B3GAT2: variants seen among roughly 807,000 people sequenced by gnomAD.
The protein encoded by B3GAT2 is galactosylgalactosylxylosylprotein 3-beta-glucuronosyltransferase 2.
B3GAT2 carries 26 observed loss-of-function variants against 27.8 expected under a neutral mutation model. The ratio of observed to expected loss-of-function variants is 0.93; its 90% CI spans 0.68 to 1.30. The LOEUF is 1.30. Among genes scored for constraint, B3GAT2 ranks in the 50% most tolerant of loss-of-function variants. The pLI, the probability that B3GAT2 is intolerant of heterozygous loss-of-function variation, is 0.00. For missense variants in B3GAT2, 458 were observed against 459.0 expected, an observed-to-expected ratio of 1.00 and a Z score of 0.02; for synonymous variants, 218 against 195.1, an observed-to-expected ratio of 1.12 and a Z score of -0.98.
intron 1 of B3GAT2, among the ~76,000 whole-genome samples, chr6:70,936,113 A>C (rs1409869695): frequency 6.6e-6 from 1 of 151,870 alleles, no homozygotes; most frequent in Non-Finnish European, 1.5e-5. Flanking sequence ...CTAGTCTCTG[A>C]TAAAACAGAC....
At chr6:70,897,719 C>T (rs1772414711) in intron 1 of B3GAT2, among the ~76,000 whole-genome samples, 1 of 147,390 alleles carries the variant, frequency 6.8e-6, no homozygotes, top group Admixed American at 7.1e-5. Flanking sequence ...CAAGGGTTTT[C>T]TCCTCCTTTC....
chr6:70,891,305 A>T (rs957557231), intron 2 of B3GAT2, among the ~76,000 whole-genome samples: 2 of 152,198 alleles, frequency 1.3e-5, no homozygotes, highest in African/African-American at 4.8e-5. Context: ...GGGCAGGCAT[A>T]TTAATTTTTT....
chr6:70,926,378 G>A (rs1379123826), intron 1 of B3GAT2, among the ~76,000 whole-genome samples: 4 of 152,174 alleles, frequency 2.6e-5, no homozygotes, highest in Non-Finnish European at 5.9e-5. Flanking sequence ...AAACTTCTCC[G>A]AGCTAAAGGA....
intron 2 of B3GAT2, among the ~76,000 whole-genome samples, chr6:70,868,016 A>G (rs1003203330): frequency 3.8e-4 from 58 of 152,152 alleles, no homozygotes; most frequent in African/African-American, 1.4e-3. Flanking sequence ...AATCAATGTA[A>G]TTCACCATAT....
Position 70,911,082 on chromosome 6 carries a change from CATACTTTACAA to C in B3GAT2, c.592-16821_592-16811del, listed in dbSNP as rs1772682509. Among the ~76,000 whole-genome samples, 2 of 152,076 alleles carry C rather than the reference CATACTTTACAA, an allele frequency of 1.3e-5. 1 individual carries two copies. The highest frequency in any genetic ancestry group is 4.1e-4 in the South Asian group (2 of 4,832). ...CTGGATATTAGACCTTTGTCAGATG[CATACTTTACAA>C]ATACTTTCTCCCATTCTATAGGTTG... On this transcript the variant is annotated intron_variant, in intron 1 of 3. Transcript: ENST00000230053.
At chr6:70,878,869 C>G (rs546345360) in intron 2 of B3GAT2, among the ~76,000 whole-genome samples, 14 of 151,990 alleles carry the variant, frequency 9.2e-5, no homozygotes, top group African/African-American at 3.4e-4. Flanking sequence ...CTCTGCCCCC[C>G]CTCCCCCTTA....
At chr6:70,933,036 C>A (rs1773085362) in intron 1 of B3GAT2, among the ~76,000 whole-genome samples, 1 of 152,158 alleles carries the variant, frequency 6.6e-6, no homozygotes, top group African/African-American at 2.4e-5. Flanking sequence ...CTGGGCTAAG[C>A]CATCCTCCTG....
At chr6:70,875,575 A>T (rs1471958133) in intron 2 of B3GAT2, among the ~76,000 whole-genome samples, 2 of 152,068 alleles carry the variant, frequency 1.3e-5, no homozygotes, top group Non-Finnish European at 2.9e-5. Flanking sequence ...ACCCTTTCCT[A>T]CTGAGTAAAC....
chr6:70,895,902 C>T (rs1772376017), intron 1 of B3GAT2, among the ~76,000 whole-genome samples: 1 of 151,450 alleles, frequency 6.6e-6, no homozygotes, highest in East Asian at 1.9e-4. Context: ...GAGACTTTAT[C>T]TAAAGCCTTA....
chr6:70,928,831 A>G (rs146533680), intron 1 of B3GAT2, among the ~76,000 whole-genome samples: 2,530 of 152,220 alleles, frequency 0.017, 32 homozygotes, highest in Non-Finnish European at 0.026. Context: ...AACTAGAAAT[A>G]CCATTTGACC....
intron 2 of B3GAT2, among the ~76,000 whole-genome samples, chr6:70,863,023 GT>G (rs1407418355): frequency 2.0e-5 from 3 of 152,154 alleles, no homozygotes; most frequent in African/African-American, 7.2e-5. Flanking sequence ...TTAACAAACT[GT>G]TTAAAGCTCA....
At chr6:70,868,886 T>C (rs1183499614) in intron 2 of B3GAT2, among the ~76,000 whole-genome samples, 1 of 152,202 alleles carries the variant, frequency 6.6e-6, no homozygotes, top group East Asian at 1.9e-4. Flanking sequence ...CAGCAAAGCA[T>C]ACACTGCCTT....
At chr6:70,902,383 G>T (rs1025190372) in intron 1 of B3GAT2, among the ~76,000 whole-genome samples, 1 of 151,964 alleles carries the variant, frequency 6.6e-6, no homozygotes, top group African/African-American at 2.4e-5. Flanking sequence ...TACATGGTTG[G>T]TAGAAATGTA....
At chr6:70,903,482 C>A (rs566187471) in intron 1 of B3GAT2, among the ~76,000 whole-genome samples, 1 of 151,918 alleles carries the variant, frequency 6.6e-6, no homozygotes, top group African/African-American at 2.4e-5. Flanking sequence ...CACTAGTATT[C>A]AGAATGCATA....
At chr6:70,950,276 T>A in intron 1 of B3GAT2, among the ~76,000 whole-genome samples, 1 of 123,768 alleles carries the variant, frequency 8.1e-6, no homozygotes. Context: ...GCTAATAAAG[T>A]ACATTTTCTT....
At position 70,859,049 on chromosome 6, in the gene B3GAT2, G is replaced by A. The variant is rs538093912; in HGVS notation, c.*2614C>T. ...CCCATTGATGTTCCTCCAGCATTTT[G>A]GCAATCTTGGTTTCTGTTTGGTCAC... On this transcript the variant is annotated 3_prime_UTR_variant, in exon 4 of 4. Coordinates refer to ENST00000230053, the MANE Select transcript of B3GAT2 (RefSeq NM_080742.3). The A allele has an allele frequency of 1.1e-3, 265 of 236,612 alleles. 1 individual carries two copies. The highest frequency in any genetic ancestry group is 5.6e-3 in the African/African-American group (247 of 44,366). 14.7% of individuals were successfully genotyped at this position (236,612 alleles called of 1,614,324 possible).
Position 70,859,578 on chromosome 6 carries a change from T to G in B3GAT2, c.*2085A>C. On this transcript the variant is annotated 3_prime_UTR_variant, in exon 4 of 4. Transcript: ENST00000230053. ...TTAAACCCACTCACTATATGGTAAA[T>G]CTTGCCTTTCCTTCTCTTATCACCA... The G allele has an allele frequency of 2.2e-6, 1 of 450,590 alleles. No individual in the cohort carries two copies. Among genetic ancestry groups the G allele is most frequent in the Non-Finnish European group, 3.9e-6 (1 of 259,636 alleles). The allele number at this position is 450,590 out of a possible 1,614,324, so 27.9% of individuals were successfully genotyped here.
At chr6:70,904,274 G>T (rs548556082) in intron 1 of B3GAT2, among the ~76,000 whole-genome samples, 1 of 152,152 alleles carries the variant, frequency 6.6e-6, no homozygotes, top group African/African-American at 2.4e-5. Flanking sequence ...ACAGTTCAGG[G>T]TATATGAATT....
intron 1 of B3GAT2, among the ~76,000 whole-genome samples, chr6:70,908,271 T>C (rs553675616): frequency 7.5e-4 from 114 of 152,332 alleles, no homozygotes; most frequent in Non-Finnish European, 1.1e-3. Flanking sequence ...TAATCATCTC[T>C]GTGTAAGATT....
Sources: allele counts gnomAD v4.1 joint callset (sites outside exome capture counted in the v4.1 genomes callset), GRCh38; gene constraint gnomAD v4.1.1; transcripts MANE v1.5; gene names NCBI Gene and HGNC (gene_info 2026-07-23, HGNC 2026-07-21).